SLC41A1: variants seen among roughly 807,000 people sequenced by gnomAD.
SLC41A1 encodes solute carrier family 41 member 1, also known as solute carrier family 41 (magnesium transporter), member 1.
A neutral mutation model predicts 47.3 loss-of-function variants in SLC41A1; 20 were observed. The observed-to-expected ratio is 0.42, with a 90% CI of 0.30 to 0.61. The LOEUF is 0.61. SLC41A1 is among the 20% of genes least tolerant of loss of function. The pLI is 0.17. For synonymous variants in SLC41A1, 282 were observed against 272.7 expected (o/e 1.03, Z -0.34); for missense variants, 504 against 674.1 (o/e 0.75, Z 2.79).
At chr1:205,795,311 C>A in intron 9 of SLC41A1, 33 bp downstream of exon 9, 1 of 1,613,988 alleles carries the variant, frequency 6.2e-7, no homozygotes, top group South Asian at 1.1e-5. Flanking sequence ...GCCCACTCCC[C>A]CCAGGGCTGG....
chr1:205,799,647 C>T, intron 4 of SLC41A1, 112 bp downstream of exon 4: 1 of 1,212,634 alleles, frequency 8.2e-7, no homozygotes, highest in Non-Finnish European at 1.2e-6. Context: ...GAAGCCAGCT[C>T]AGTGGGATAC....
chr1:205,801,309 G>C (rs1267614747), intron 2 of SLC41A1: 11 of 466,032 alleles, frequency 2.4e-5, no homozygotes, highest in Non-Finnish European at 4.4e-5. Flanking sequence ...GAGACTCTCA[G>C]TCTGGCCCTA....
At chr1:205,800,118 C>T (rs1655846032) in intron 3 of SLC41A1, among the ~76,000 whole-genome samples, 1 of 152,202 alleles carries the variant, frequency 6.6e-6, no homozygotes, top group Admixed American at 6.5e-5. Flanking sequence ...TATCCTTTGC[C>T]CTGCTTATCT....
At position 205,812,939 on chromosome 1, in the gene SLC41A1, C is replaced by T; in HGVS notation, c.-778G>A. ...CCTCCTTGGCCCCCGGCGTGCCCCC[C>T]CACACCCCCAGCCAAGGCGAGCGTC... On this transcript the variant is annotated 5_prime_UTR_variant, in exon 1 of 11. Coordinates refer to ENST00000367137, the MANE Select transcript of SLC41A1 (RefSeq NM_173854.6). The T allele has an allele frequency of 1.0e-6, 1 of 985,866 alleles. No individual in the cohort carries two copies. The highest frequency in any genetic ancestry group is 1.2e-6 in the Non-Finnish European group (1 of 830,288). 61.1% of individuals were successfully genotyped at this position (985,866 alleles called of 1,614,324 possible). A position where few individuals can be genotyped will look rare whatever the true frequency, so the allele number is the denominator to read the frequency against.
intron 10 of SLC41A1, among the ~76,000 whole-genome samples, chr1:205,794,123 A>C (rs1655686525): frequency 1.4e-5 from 2 of 144,964 alleles, no homozygotes; most frequent in Non-Finnish European, 3.1e-5. Context: ...TTGTGATAAA[A>C]ACTGCATAGA....
At chr1:205,799,695 G>T in intron 4 of SLC41A1, 64 bp downstream of exon 4, 1 of 1,558,354 alleles carries the variant, frequency 6.4e-7, no homozygotes, top group Non-Finnish European at 8.8e-7. Flanking sequence ...GCTGACCTAA[G>T]CCTTTCAGAG....
intron 10 of SLC41A1, among the ~76,000 whole-genome samples, chr1:205,793,050 G>C (rs1026515556): frequency 2.6e-5 from 4 of 152,016 alleles, no homozygotes; most frequent in Non-Finnish European, 5.9e-5. Context: ...GCTGTCTTGT[G>C]CTACCACGGC....
intron 9 of SLC41A1, 117 bp from the exon 10 acceptor site, chr1:205,795,135 C>T: frequency 1.4e-6 from 2 of 1,468,530 alleles, no homozygotes; most frequent in Non-Finnish European, 1.9e-6. Context: ...AGATGAATGT[C>T]TCTACTTCTG....
rs779633700 is a variant in SLC41A1 at position 205,798,656 on chromosome 1, C to G, written c.844+13G>C. On this transcript the variant is annotated intron_variant, in intron 6 of 10. Transcript: ENST00000367137. ...ACCCAGGACTCCAAGAAGCCACACT[C>G]TTGGTGGCTCACTCAGTTCCAGGTA... 6.2e-7 allele frequency: 1 copy of G among 1,614,100 alleles called. No individual in the cohort carries two copies. Among genetic ancestry groups the G allele is most frequent in the African/African-American group, 1.3e-5 (1 of 74,940 alleles).
Position 205,798,676 on chromosome 1 carries a change from C to A in SLC41A1, c.837G>T (p.Leu279=). The change falls in exon 6 of 11, where the codon CTG becomes CTT. Residue 279 remains leucine, a synonymous_variant. Transcript: ENST00000367137. ...ACACTCTTGGTGGCTCACTCAGTTC[C>A]AGGTAGAGTCCCCAGCTGATGCCTG... is the stretch of plus-strand genomic sequence containing the variant. ...LLSGISWGLY[L]ELNHWRYIYP... is the part of the protein sequence containing the mutation. 6.2e-7 allele frequency: 1 copy of A among 1,614,202 alleles called. No individual in the cohort carries two copies. The highest frequency in any genetic ancestry group is 8.5e-7 in the Non-Finnish European group (1 of 1,180,040).
intron 8 of SLC41A1, chr1:205,795,713 A>G: frequency 1.7e-6 from 1 of 600,396 alleles, no homozygotes; most frequent in Non-Finnish European, 3.0e-6. Flanking sequence ...CCTCCCCTCT[A>G]TGGAGATGCA....
At chr1:205,793,743 GCAGA>G (rs1452011178) in intron 10 of SLC41A1, among the ~76,000 whole-genome samples, 3 of 152,194 alleles carry the variant, frequency 2.0e-5, no homozygotes, top group Non-Finnish European at 4.4e-5. Context: ...AATGCAGGGT[GCAGA>G]CAGTGTGTAC....
At chr1:205,801,697 C>A (rs576483338) in intron 2 of SLC41A1, among the ~76,000 whole-genome samples, 1 of 152,304 alleles carries the variant, frequency 6.6e-6, no homozygotes, top group African/African-American at 2.4e-5. Context: ...CTTCCTCAAT[C>A]TCTCAGCTAG....
At chr1:205,812,637 C>A in intron 1 of SLC41A1, 171 bp downstream of exon 1, 1 of 534,832 alleles carries the variant, frequency 1.9e-6, no homozygotes, top group Non-Finnish European at 2.4e-6. Flanking sequence ...CCCCTCCTCC[C>A]AGGCGGGGAC....
chr1:205,803,323 A>G (rs1407716157), intron 2 of SLC41A1, among the ~76,000 whole-genome samples: 1 of 152,232 alleles, frequency 6.6e-6, no homozygotes, highest in Non-Finnish European at 1.5e-5. Context: ...CTGGATATTT[A>G]TCCAAAAGAA....
At chr1:205,799,321 T>C (rs980212414) in intron 4 of SLC41A1, among the ~76,000 whole-genome samples, 1 of 152,180 alleles carries the variant, frequency 6.6e-6, no homozygotes, top group African/African-American at 2.4e-5. Flanking sequence ...GCCCAGAACA[T>C]GTTACTGGCT....
chr1:205,805,816 G>A (rs889663814), intron 2 of SLC41A1, among the ~76,000 whole-genome samples: 4 of 152,078 alleles, frequency 2.6e-5, no homozygotes, highest in East Asian at 1.9e-4. Context: ...CTTCCAATGC[G>A]CCTCTTCCAT....
intron 10 of SLC41A1, among the ~76,000 whole-genome samples, chr1:205,794,084 G>T (rs1332049511): frequency 6.6e-6 from 1 of 152,110 alleles, no homozygotes; most frequent in African/African-American, 2.4e-5. Flanking sequence ...CTGTATTTTG[G>T]TTATAGTGGT....
In SLC41A1 at chr1:205,798,763, T is replaced by G; in HGVS notation, c.750A>C (p.Pro250=). Residue 250 remains proline, a synonymous_variant, in exon 6 of 11, where the codon CCA becomes CCC. Transcript: ENST00000367137. ...CAGCAATGGGTGTGGCCACGTTGTC[T>G]GGGTTGATCCCAATCTTGCGAGAGC... is the stretch of plus-strand genomic sequence containing the variant. The part of the protein sequence containing the change: ...IIGSRKIGIN[P]DNVATPIAAS... 6.2e-7 allele frequency: 1 copy of G among 1,614,124 alleles called. No individual in the cohort carries two copies. Among genetic ancestry groups the G allele is most frequent in the East Asian group, 2.2e-5 (1 of 44,856 alleles).
Sources: gnomAD v4.1 joint callset for allele counts (sites outside exome capture counted in the v4.1 genomes callset) on GRCh38, gnomAD v4.1.1 for gene constraint, MANE v1.5 for transcripts, NCBI Gene and HGNC (gene_info 2026-07-23, HGNC 2026-07-21) for gene names.